Variants in BTBD7 observed in about 807,000 individuals in gnomAD.
BTBD7 encodes BTB/POZ domain-containing protein 7.
Under a neutral mutation model 99.9 loss-of-function variants are expected in BTBD7, and 38 were observed. The ratio of observed to expected loss-of-function variants is 0.38; its 90% CI spans 0.29 to 0.50. The LOEUF is 0.50. BTBD7 is among the 20% of genes least tolerant of loss of function. The probability of loss-of-function intolerance (pLI) is 0.93; values close to 1 mark genes in which losing one functional copy is unlikely to be tolerated. For synonymous variants in BTBD7, 520 were observed against 511.4 expected (o/e 1.02, Z -0.23); for missense variants, 1,170 against 1,394.6 (o/e 0.84, Z 2.57).
intron 1 of BTBD7, among the ~76,000 whole-genome samples, chr14:93,306,664 T>A (rs1160165064): frequency 1.3e-5 from 2 of 152,050 alleles, no homozygotes; most frequent in Non-Finnish European, 2.9e-5. Flanking sequence ...AAATGGAGAG[T>A]CTTAAGAAGT....
chr14:93,269,624 C>T (rs2139717927), intron 3 of BTBD7, among the ~76,000 whole-genome samples: 1 of 152,250 alleles, frequency 6.6e-6, no homozygotes, highest in South Asian at 2.1e-4. Context: ...TTTTTTCTTT[C>T]TTTTTAAATT....
At chr14:93,294,984 C>A in intron 2 of BTBD7, 47 bp from the exon 3 acceptor site, 1 of 1,467,944 alleles carries the variant, frequency 6.8e-7, no homozygotes, top group South Asian at 1.5e-5. Flanking sequence ...TCTTAACATT[C>A]ATTTTCAACG....
At chr14:93,289,907 A>T (rs1399426152) in intron 3 of BTBD7, among the ~76,000 whole-genome samples, 1 of 126,076 alleles carries the variant, frequency 7.9e-6, no homozygotes, top group Non-Finnish European at 1.6e-5. Context: ...CCAGGCTTGG[A>T]GTGCAGTGCT....
At chr14:93,281,950 A>G (rs7146730) in intron 3 of BTBD7, among the ~76,000 whole-genome samples, 28,847 of 152,188 alleles carry the variant, frequency 0.19, 3,946 homozygotes, top group African/African-American at 0.39. Context: ...CGTATTATCT[A>G]AAGTCTGCTG....
At chr14:93,278,033 C>T (rs1011419826) in intron 3 of BTBD7, among the ~76,000 whole-genome samples, 1 of 152,196 alleles carries the variant, frequency 6.6e-6, no homozygotes, top group Admixed American at 6.5e-5. Flanking sequence ...ACCATTACCC[C>T]ACTAGTGATG....
intron 6 of BTBD7, among the ~76,000 whole-genome samples, chr14:93,254,086 C>T (rs914120904): frequency 2.6e-5 from 4 of 151,894 alleles, no homozygotes; most frequent in African/African-American, 9.7e-5. Flanking sequence ...TACAGGCACT[C>T]ACCACCACGC....
At chr14:93,308,456 C>T (rs2053098087) in intron 1 of BTBD7, among the ~76,000 whole-genome samples, 1 of 152,122 alleles carries the variant, frequency 6.6e-6, no homozygotes, top group African/African-American at 2.4e-5. Context: ...CACACTGCTT[C>T]CTCAATAATT....
intron 9 of BTBD7, among the ~76,000 whole-genome samples, chr14:93,246,836 G>T (rs1305240084): frequency 6.6e-6 from 1 of 151,600 alleles, no homozygotes; most frequent in Non-Finnish European, 1.5e-5. Flanking sequence ...AAAGGGAAAA[G>T]AAATGAGTAG....
intron 1 of BTBD7, among the ~76,000 whole-genome samples, chr14:93,309,778 G>A (rs997826458): frequency 5.9e-5 from 9 of 152,078 alleles, no homozygotes; most frequent in Non-Finnish European, 1.3e-4. Context: ...AAACACAGAG[G>A]ACAATTAAAT....
intron 9 of BTBD7, among the ~76,000 whole-genome samples, chr14:93,246,840 T>G (rs971382942): frequency 2.1e-5 from 2 of 96,990 alleles, no homozygotes; most frequent in Non-Finnish European, 4.4e-5. Context: ...GGAAAAGAAA[T>G]GAGTAGAAAA....
intron 1 of BTBD7, 111 bp from the exon 2 acceptor site, chr14:93,296,268 G>GCTGC (rs2052925843): frequency 1.4e-5 from 10 of 711,436 alleles, no homozygotes; most frequent in Non-Finnish European, 1.8e-5. Context: ...ACAACACGCT[G>GCTGC]TCAAATTCAC....
At chr14:93,320,612 T>C (rs1350249483) in intron 1 of BTBD7, among the ~76,000 whole-genome samples, 1 of 152,222 alleles carries the variant, frequency 6.6e-6, no homozygotes, top group Admixed American at 6.5e-5. Flanking sequence ...CAGCTAGAAG[T>C]AGCTTTCAGA....
chr14:93,302,794 G>A (rs541946523), intron 1 of BTBD7, among the ~76,000 whole-genome samples: 1 of 152,168 alleles, frequency 6.6e-6, no homozygotes, highest in South Asian at 2.1e-4. Flanking sequence ...GCAGTAAGCC[G>A]AGATCACATC....
intron 1 of BTBD7, among the ~76,000 whole-genome samples, chr14:93,331,127 T>C (rs2139841521): frequency 6.6e-6 from 1 of 152,316 alleles, no homozygotes; most frequent in African/African-American, 2.4e-5. Context: ...TCTTCATCAG[T>C]TACTTGAAGT....
intron 1 of BTBD7, among the ~76,000 whole-genome samples, chr14:93,313,180 C>G (rs1286987577): frequency 6.6e-6 from 1 of 152,136 alleles, no homozygotes; most frequent in Non-Finnish European, 1.5e-5. Flanking sequence ...CTCCCATAAC[C>G]CCTAAAATAG....
At position 93,293,571 on chromosome 14, in the gene BTBD7, G is replaced by A. The variant is rs530203066; in HGVS notation, c.1162+287C>T. 1.2e-4 allele frequency among the ~76,000 whole-genome samples: 19 copies of A among 152,254 alleles called. No individual in the cohort carries two copies. The South Asian group carries it at 3.9e-3, about 32-fold the overall frequency. Reference sequence around the variant, plus strand: ...GCTTGGGTGGAGAGGGTGTAGGTTGGTAATTATATATTCCCATACCTATCG... The same window carrying A: ...GCTTGGGTGGAGAGGGTGTAGGTTGATAATTATATATTCCCATACCTATCG... On this transcript the variant is annotated intron_variant, in intron 3 of 10. Coordinates refer to ENST00000334746, the MANE Select transcript of BTBD7 (RefSeq NM_001002860.4).
At chr14:93,262,206 C>T (rs1485545210) in intron 4 of BTBD7, among the ~76,000 whole-genome samples, 2 of 151,310 alleles carry the variant, frequency 1.3e-5, no homozygotes, top group African/African-American at 2.4e-5. Flanking sequence ...GATCTTGACT[C>T]ACTGCAAGCT....
chr14:93,316,589 C>T (rs758673562), intron 1 of BTBD7, among the ~76,000 whole-genome samples: 4 of 152,142 alleles, frequency 2.6e-5, no homozygotes, highest in Non-Finnish European at 4.4e-5. Context: ...TTCCACTCCC[C>T]ACTATAAGGT....
rs1013944246 is a variant in BTBD7 at position 93,238,600 on chromosome 14, T to A, written c.*3673A>T. ...CAGTCCTAAAAATATGAATGCCTTA[T>A]AATTAATTTCAAAATAAGTATCTTA... is the stretch of plus-strand genomic sequence containing the variant. On this transcript the variant is annotated 3_prime_UTR_variant, in exon 11 of 11. Coordinates refer to ENST00000334746, the MANE Select transcript of BTBD7 (RefSeq NM_001002860.4). 9 of 152,376 alleles carry A rather than the reference T, an allele frequency of 5.9e-5. No homozygotes were observed. The highest frequency in any genetic ancestry group is 2.2e-4 in the African/African-American group (9 of 41,464). 9.4% of individuals were successfully genotyped at this position (152,376 alleles called of 1,614,324 possible).
Sources: allele counts gnomAD v4.1 joint callset (sites outside exome capture counted in the v4.1 genomes callset), GRCh38; gene constraint gnomAD v4.1.1; transcripts MANE v1.5; gene names NCBI Gene and HGNC (gene_info 2026-07-23, HGNC 2026-07-21).